The following CACNA2D3 variants were observed in gnomAD, a reference collection of about 807,000 sequenced individuals.
CACNA2D3 encodes the protein calcium voltage-gated channel auxiliary subunit alpha2delta 3, also known as voltage-dependent calcium channel subunit alpha-2/delta-3.
In CACNA2D3, 60 loss-of-function variants were observed where a neutral mutation model predicts 160.6. The ratio of observed to expected loss-of-function variants is 0.37; its 90% CI spans 0.30 to 0.46. The LOEUF (loss-of-function observed/expected upper bound fraction) is 0.46. Ranked by LOEUF, CACNA2D3 falls within the 20% of genes least tolerant of loss-of-function variation. CACNA2D3 has a pLI of 1.00. For missense variants in CACNA2D3, 1,205 were observed against 1,365.0 expected, an observed-to-expected ratio of 0.88 and a Z score of 1.85; for synonymous variants, 558 against 492.9, an observed-to-expected ratio of 1.13 and a Z score of -1.75.
chr3:55,021,532 G>C (rs923318350), intron 35 of CACNA2D3, among the ~76,000 whole-genome samples: 1 of 148,924 alleles, frequency 6.7e-6, no homozygotes, highest in African/African-American at 2.5e-5. Context: ...CATTTTATAT[G>C]TATATAGATA....
chr3:54,325,772 C>T (rs1225913957), intron 3 of CACNA2D3, among the ~76,000 whole-genome samples: 2 of 152,192 alleles, frequency 1.3e-5, no homozygotes, highest in Admixed American at 1.3e-4. Flanking sequence ...GCTAGACCTA[C>T]TCAGTGATGA....
At chr3:54,320,395 T>A (rs2107507627) in intron 2 of CACNA2D3, 47 bp from the exon 3 acceptor site, 1 of 869,562 alleles carries the variant, frequency 1.2e-6, no homozygotes, top group Non-Finnish European at 1.8e-6. Flanking sequence ...ACAGCTGTGG[T>A]GTTTTACGGT....
chr3:54,575,665 G>A (rs144594353), intron 8 of CACNA2D3, among the ~76,000 whole-genome samples: 5 of 152,304 alleles, frequency 3.3e-5, no homozygotes, highest in African/African-American at 9.6e-5. Context: ...CTTGGAGAGG[G>A]AGTAGTTGGG....
intron 27 of CACNA2D3, among the ~76,000 whole-genome samples, chr3:54,937,426 C>T (rs1701358706): frequency 6.6e-6 from 1 of 152,154 alleles, no homozygotes; most frequent in Non-Finnish European, 1.5e-5. Context: ...CTGCAACTGG[C>T]CCTGTGGAAC....
chr3:54,555,300 G>A (rs1442316156), intron 5 of CACNA2D3, among the ~76,000 whole-genome samples: 1 of 152,058 alleles, frequency 6.6e-6, no homozygotes, highest in Non-Finnish European at 1.5e-5. Context: ...GATCTATGTG[G>A]GCTGACCATC....
chr3:55,014,982 G>A (rs550261096), intron 34 of CACNA2D3, among the ~76,000 whole-genome samples: 104 of 152,212 alleles, frequency 6.8e-4, no homozygotes, highest in African/African-American at 2.3e-3. Context: ...TAGACCCAAC[G>A]GTTTATCACT....
chr3:54,508,412 A>G (rs1410721717), intron 5 of CACNA2D3, among the ~76,000 whole-genome samples: 1 of 152,218 alleles, frequency 6.6e-6, no homozygotes, highest in Non-Finnish European at 1.5e-5. Flanking sequence ...CTGGATGGAT[A>G]AGGTGAGAGC....
intron 2 of CACNA2D3, among the ~76,000 whole-genome samples, chr3:54,229,281 G>A (rs958540029): frequency 3.3e-5 from 5 of 151,360 alleles, no homozygotes; most frequent in Admixed American, 2.0e-4. Flanking sequence ...AAGCTCTGCC[G>A]CCCGGATTCA....
At position 54,654,775 on chromosome 3, in the gene CACNA2D3, C is replaced by T. The variant is rs140460604; in HGVS notation, c.1167+12534C>T. On this transcript the variant is annotated intron_variant, in intron 11 of 37. Transcript: ENST00000474759. ...ATGAGACTGATTCTGTGAATGCTGGCGAGCTACCACCTAGGTTAATTTACT... is the reference window on the plus strand; with the variant it reads ...ATGAGACTGATTCTGTGAATGCTGGTGAGCTACCACCTAGGTTAATTTACT... Among the ~76,000 whole-genome samples the T allele has an allele frequency of 3.5e-3, 528 of 152,190 alleles. 5 individuals are homozygous for T. The highest frequency in any genetic ancestry group is 0.012 in the African/African-American group (499 of 41,508).
intron 11 of CACNA2D3, among the ~76,000 whole-genome samples, chr3:54,693,354 G>T (rs1025543103): frequency 6.6e-6 from 1 of 152,196 alleles, no homozygotes; most frequent in African/African-American, 2.4e-5. Flanking sequence ...CACCTAGGCT[G>T]CAGCCATCCT....
intron 35 of CACNA2D3, among the ~76,000 whole-genome samples, chr3:55,061,623 A>T: frequency 6.6e-6 from 1 of 152,212 alleles, no homozygotes; most frequent in Non-Finnish European, 1.5e-5. Flanking sequence ...TTCTCTATGC[A>T]TTTCCCAGCA....
At chr3:55,004,078 A>G (rs1452871041) in intron 31 of CACNA2D3, among the ~76,000 whole-genome samples, 1 of 152,224 alleles carries the variant, frequency 6.6e-6, no homozygotes, top group Non-Finnish European at 1.5e-5. Flanking sequence ...TGTTAAAGTA[A>G]AACATTTTTG....
chr3:54,618,391 A>ATG lies in CACNA2D3; in HGVS notation c.964-9396_964-9395insTG, dbSNP rs1698909281. ...TATATATATGCACACACACACACACACACACACACACACACACACACAGTG... is the reference window on the plus strand; with the variant it reads ...TATATATATGCACACACACACACACATGCACACACACACACACACACACAGTG... On this transcript the variant is annotated intron_variant, in intron 9 of 37. Transcript: ENST00000474759. Among the ~76,000 whole-genome samples the ATG allele has an allele frequency of 3.4e-5, 5 of 149,022 alleles. No individual in the cohort carries two copies. The Admixed American group carries it at 3.4e-4, about 10-fold the overall frequency.
intron 2 of CACNA2D3, among the ~76,000 whole-genome samples, chr3:54,300,655 C>T (rs1703454192): frequency 6.6e-6 from 1 of 152,080 alleles, no homozygotes; most frequent in Admixed American, 6.5e-5. Flanking sequence ...ATAAGTATGA[C>T]CAATAATGTC....
chr3:54,579,689 G>A (rs1009359810), intron 8 of CACNA2D3, among the ~76,000 whole-genome samples: 1 of 152,138 alleles, frequency 6.6e-6, no homozygotes, highest in Non-Finnish European at 1.5e-5. Context: ...AAGGAGAGGG[G>A]ACTGGCTGTT....
chr3:54,207,679 T>C (rs1701298054), intron 2 of CACNA2D3, among the ~76,000 whole-genome samples: 1 of 152,124 alleles, frequency 6.6e-6, no homozygotes, highest in African/African-American at 2.4e-5. Context: ...CTGGGCTCTG[T>C]GCACATTCCA....
At position 54,744,503 on chromosome 3, in the gene CACNA2D3, G is replaced by A. The variant is rs148380797; in HGVS notation, c.1168-8096G>A. 5.7e-3 allele frequency among the ~76,000 whole-genome samples: 867 copies of A among 152,286 alleles called. 15 individuals are homozygous for A. The highest frequency in any genetic ancestry group is 0.02 in the African/African-American group (828 of 41,564). On this transcript the variant is annotated intron_variant, in intron 11 of 37. Transcript: ENST00000474759. The stretch of plus-strand genomic sequence containing the variant: ...GTTTATAGCCACTGCCAAGTTCTCA[G>A]TGGATCCTTTGACTCTCCAAGGGTT...
chr3:54,987,872 C>A, intron 31 of CACNA2D3, 119 bp downstream of exon 31: 1 of 637,996 alleles, frequency 1.6e-6, no homozygotes, highest in Non-Finnish European at 2.7e-6. Context: ...TACTTGTGTT[C>A]ATGCTCCAAA....
At chr3:55,025,192 A>C (rs1703540494) in intron 35 of CACNA2D3, among the ~76,000 whole-genome samples, 1 of 152,212 alleles carries the variant, frequency 6.6e-6, no homozygotes, top group Admixed American at 6.5e-5. Context: ...TAAAGAAAGA[A>C]ATGCAGTTGG....
Sources: allele counts gnomAD v4.1 joint callset (sites outside exome capture counted in the v4.1 genomes callset), GRCh38; gene constraint gnomAD v4.1.1; transcripts MANE v1.5; gene names NCBI Gene and HGNC (gene_info 2026-07-23, HGNC 2026-07-21).